Variants in NFIX observed in about 807,000 individuals in gnomAD.
The protein encoded by NFIX is nuclear factor 1 X-type.
Under a neutral mutation model 53.3 loss-of-function variants are expected in NFIX, and 2 were observed. The observed-to-expected ratio is 0.04, with a 90% CI of 0.02 to 0.12. The LOEUF is 0.12. NFIX is among the 10% of genes least tolerant of loss of function. The pLI, the probability that NFIX is intolerant of heterozygous loss-of-function variation, is 1.00. For missense variants in NFIX, 310 were observed against 674.5 expected (o/e 0.46, Z 5.99); for synonymous variants, 244 against 289.0 (o/e 0.84, Z 1.58).
chr19:13,093,271 G>A lies in NFIX; in HGVS notation c.1495-1364G>A, dbSNP rs990052743. ...TCTCCAAGGCCCTTTCTGAAACTCA[G>A]TGTCCCTATCCTCAGTCCCAAACCA... On this transcript the variant is annotated intron_variant, in intron 10 of 10. Transcript: ENST00000592199. The surrounding 1 kb of genome is among the most constrained non-coding windows in gnomAD (Gnocchi z 4.7). Among the ~76,000 whole-genome samples, 2 of 152,244 alleles carry A rather than the reference G, an allele frequency of 1.3e-5. No individual in the cohort carries two copies. The highest frequency in any genetic ancestry group is 2.9e-5 in the Non-Finnish European group (2 of 68,052).
chr19:13,023,170 A>G (rs1482893779), intron 1 of NFIX, among the ~76,000 whole-genome samples: 2 of 149,314 alleles, frequency 1.3e-5, no homozygotes, highest in African/African-American at 5.0e-5. Flanking sequence ...CTGAAAGGAG[A>G]GAGAGAGAGG....
chr19:13,041,420 G>A (rs938483146), intron 2 of NFIX, among the ~76,000 whole-genome samples: 7 of 152,118 alleles, frequency 4.6e-5, no homozygotes, highest in Admixed American at 4.6e-4. Context: ...ATTAACTTTT[G>A]TTGCATTTTC....
Position 12,998,115 on chromosome 19 carries a change from C to T in NFIX, c.27+2251C>T, listed in dbSNP as rs949965049. On this transcript the variant is annotated intron_variant, in intron 1 of 10. Transcript: ENST00000592199. This position sits in a 1 kb window ranked among gnomAD's most constrained non-coding sequence, Gnocchi z 4.4. ...CTGGTCTCTGTTTTTATGACAACCT[C>T]TTTCCTTTGCTGTCTTTTTCTCGGT... is the stretch of plus-strand genomic sequence containing the variant. Among the ~76,000 whole-genome samples, 1 of 152,220 alleles carries T rather than the reference C, an allele frequency of 6.6e-6. No individual in the cohort carries two copies. Among genetic ancestry groups the T allele is most frequent in the African/African-American group, 2.4e-5 (1 of 41,438 alleles).
chr19:13,049,479 G>A lies in NFIX; in HGVS notation c.560-23568G>A, dbSNP rs1279807131. On this transcript the variant is annotated intron_variant, in intron 2 of 10. Transcript: ENST00000592199. This position sits in a 1 kb window ranked among gnomAD's most constrained non-coding sequence, Gnocchi z 4.5. Reference sequence around the variant, plus strand: ...TTTGTTTCTATGGATTTGCCTAGTTGTGGATGTTTCATATAAATGAGATCA... The same window carrying A: ...TTTGTTTCTATGGATTTGCCTAGTTATGGATGTTTCATATAAATGAGATCA... Among the ~76,000 whole-genome samples the A allele has an allele frequency of 6.6e-6, 1 of 152,006 alleles. No individual in the cohort carries two copies. The highest frequency in any genetic ancestry group is 1.5e-5 in the Non-Finnish European group (1 of 68,016).
rs1182739250 is a variant in NFIX, at chr19:13,051,090, A to G, written c.560-21957A>G. Among the ~76,000 whole-genome samples, 2 of 152,158 alleles carry G rather than the reference A, an allele frequency of 1.3e-5. No individual in the cohort carries two copies. Among genetic ancestry groups the G allele is most frequent in the Non-Finnish European group, 2.9e-5 (2 of 68,028 alleles). On this transcript the variant is annotated intron_variant, in intron 2 of 10. Coordinates refer to ENST00000592199, the MANE Select transcript of NFIX (RefSeq NM_001365902.3). This position sits in a 1 kb window ranked among gnomAD's most constrained non-coding sequence, Gnocchi z 5.1. ...GAGGAGGGTGCATACCTCCAGGAGG[A>G]TAGTAGCAGGGGAGCCACGGAGTAG...
rs140579167 is a variant in NFIX, at chr19:13,052,176, T to G, written c.560-20871T>G. Among the ~76,000 whole-genome samples, 129 of 152,252 alleles carry G rather than the reference T, an allele frequency of 8.5e-4. 1 individual carries two copies. The highest frequency in any genetic ancestry group is 2.9e-3 in the African/African-American group (120 of 41,548). On this transcript the variant is annotated intron_variant, in intron 2 of 10. Coordinates refer to ENST00000592199, the MANE Select transcript of NFIX (RefSeq NM_001365902.3). The surrounding 1 kb of genome is among the most constrained non-coding windows in gnomAD (Gnocchi z 5.2). Reference sequence around the variant, plus strand: ...ATGCAGATCCTGGGGCTTGTCCAAGTGGGTAGGTCTGGGCAGGGCTCGTGA... The same window carrying G: ...ATGCAGATCCTGGGGCTTGTCCAAGGGGGTAGGTCTGGGCAGGGCTCGTGA...
chr19:12,995,543 AGCG>A lies in NFIX; in HGVS notation c.-286_-284del. On this transcript the variant is annotated 5_prime_UTR_variant, in exon 1 of 11. Coordinates refer to ENST00000592199, the MANE Select transcript of NFIX (RefSeq NM_001365902.3). Reference sequence around the variant, plus strand: ...GGCGGCGGGCGAGGGTGACCGGCCGAGCGGCGGCGGCATGGAGTAGACGCGCGG... The same window carrying A: ...GGCGGCGGGCGAGGGTGACCGGCCGAGCGGCGGCATGGAGTAGACGCGCGG... 2.1e-5 allele frequency: 3 copies of A among 145,274 alleles called. No homozygotes were observed. Among genetic ancestry groups the A allele is most frequent in the East Asian group, 2.0e-4 (1 of 4,952 alleles). The allele number at this position is 145,274 out of a possible 1,614,324, so 9.0% of individuals were successfully genotyped here. A position where few individuals can be genotyped will look rare whatever the true frequency, so the allele number is the denominator to read the frequency against.
intron 8 of NFIX, among the ~76,000 whole-genome samples, chr19:13,086,674 G>T (rs533979600): frequency 6.6e-6 from 1 of 152,200 alleles, no homozygotes; most frequent in South Asian, 2.1e-4. Flanking sequence ...GTCTCCTTGA[G>T]GGGGACAGAA....
At chr19:13,003,119 G>A (rs1211998229) in intron 1 of NFIX, among the ~76,000 whole-genome samples, 1 of 151,890 alleles carries the variant, frequency 6.6e-6, no homozygotes, top group African/African-American at 2.4e-5. Flanking sequence ...GGTTTATTCC[G>A]GGTCCATCTC....
In NFIX at chr19:13,025,104, G is replaced by A. The variant is rs900055370; in HGVS notation, c.111G>A (p.Lys37=). The change falls in exon 2 of 11, where the codon AAG becomes AAA. Residue 37 remains lysine (K), a synonymous_variant. Transcript: ENST00000592199. The surrounding 1 kb of genome is among the most constrained non-coding windows in gnomAD (Gnocchi z 7.5). ...SYTWFNLQAR[K]RKYFKKHEKR... Reference sequence around the variant, plus strand: ...CCTGGTTCAACCTGCAGGCGCGGAAGCGCAAGTACTTCAAGAAGCATGAAA... The same window carrying A: ...CCTGGTTCAACCTGCAGGCGCGGAAACGCAAGTACTTCAAGAAGCATGAAA... The A allele has an allele frequency of 1.9e-6, 3 of 1,614,228 alleles. No individual in the cohort carries two copies. Among genetic ancestry groups the A allele is most frequent in the Non-Finnish European group, 2.5e-6 (3 of 1,180,032 alleles).
At chr19:13,010,114 G>A (rs900936943) in intron 1 of NFIX, among the ~76,000 whole-genome samples, 2 of 152,272 alleles carry the variant, frequency 1.3e-5, no homozygotes, top group East Asian at 1.9e-4. Flanking sequence ...TTCCTCCCCC[G>A]CCTGCTCCTG....
Position 12,995,745 on chromosome 19 carries a change from G to A in NFIX, c.-93G>A, listed in dbSNP as rs1201793600. 35 of 370,488 alleles carry A rather than the reference G, an allele frequency of 9.4e-5. No homozygotes were observed. The South Asian group carries it at 3.3e-3, about 35-fold the overall frequency. The allele number at this position is 370,488 out of a possible 1,614,324, so 23.0% of individuals were successfully genotyped here. A position where few individuals can be genotyped will look rare whatever the true frequency, so the allele number is the denominator to read the frequency against. On this transcript the variant is annotated 5_prime_UTR_variant, in exon 1 of 11. Transcript: ENST00000592199. ...GCGCAGCGCGGCGGAGGCCGGAGGA[G>A]CCGAGCCGGAGCCCGAGCCCGAGCG... is the stretch of plus-strand genomic sequence containing the variant.
chr19:13,094,511 C>A lies in NFIX; in HGVS notation c.1495-124C>A. 1.1e-6 allele frequency: 1 copy of A among 938,838 alleles called. No individual in the cohort carries two copies. Among genetic ancestry groups the A allele is most frequent in the South Asian group, 1.5e-5 (1 of 66,124 alleles). The allele number at this position is 938,838 out of a possible 1,614,324, so 58.2% of individuals were successfully genotyped here. ...TCCATGGGAACAAGGTGGGTGGTGG[C>A]TGCCCGGCACCCTGGCTCTTTGGGA... On this transcript the variant is annotated intron_variant, in intron 10 of 10. Transcript: ENST00000592199. The surrounding 1 kb of genome is among the most constrained non-coding windows in gnomAD (Gnocchi z 4.3).
intron 2 of NFIX, chr19:13,070,272 C>T (rs2016693359): frequency 6.6e-6 from 1 of 152,412 alleles, no homozygotes; most frequent in South Asian, 2.1e-4. Flanking sequence ...GACCTTCCCC[C>T]GTCACATCCC....
intron 1 of NFIX, among the ~76,000 whole-genome samples, chr19:13,019,204 A>G (rs2012830121): frequency 6.6e-6 from 1 of 152,008 alleles, no homozygotes; most frequent in African/African-American, 2.4e-5. Context: ...ATGTTTCACT[A>G]TAGGTAGGTG....
At position 13,081,746 on chromosome 19, in the gene NFIX, C is replaced by A; in HGVS notation, c.1145C>A (p.Pro382Gln). ...PSTSIIQQSSPYFTHPTIRYH... is the reference protein window; with the variant it reads ...PSTSIIQQSSQYFTHPTIRYH... The stretch of plus-strand genomic sequence containing the variant: ...ACGTCCATCATCCAGCAGTCGAGCC[C>A]GTATTTCACGCACCCGACCATCCGC... Residue 382 changes from proline to glutamine, a missense_variant, in exon 8 of 11, where the codon CCG (proline) becomes CAG (glutamine). Pro to Gln is a moderately conservative substitution (Grantham distance 76). Around this residue, in one of 5 missense-constraint regions of NFIX, gnomAD observed 35 missense variants for 114.8 expected, o/e 0.30. Coordinates refer to ENST00000592199, the MANE Select transcript of NFIX (RefSeq NM_001365902.3). This position sits in a 1 kb window ranked among gnomAD's most constrained non-coding sequence, Gnocchi z 4.7. The A allele has an allele frequency of 3.1e-6, 5 of 1,613,970 alleles. No homozygotes were observed. The highest frequency in any genetic ancestry group is 4.2e-6 in the Non-Finnish European group (5 of 1,179,886).
At chr19:13,085,297 G>A (rs925287823) in intron 8 of NFIX, among the ~76,000 whole-genome samples, 1 of 152,168 alleles carries the variant, frequency 6.6e-6, no homozygotes, top group Non-Finnish European at 1.5e-5. Context: ...ATCAGGCGGG[G>A]ATTAGCATTA....
At chr19:13,062,843 G>A (rs1219411784) in intron 2 of NFIX, among the ~76,000 whole-genome samples, 1 of 152,182 alleles carries the variant, frequency 6.6e-6, no homozygotes, top group Non-Finnish European at 1.5e-5. Context: ...GGTACTGAGT[G>A]CTCTCTCACA....
At chr19:13,007,969 G>A (rs1356247762) in intron 1 of NFIX, among the ~76,000 whole-genome samples, 1 of 152,148 alleles carries the variant, frequency 6.6e-6, no homozygotes, top group African/African-American at 2.4e-5. Context: ...TGTGCCTACA[G>A]AGACACAGAC....
Sources: allele counts gnomAD v4.1 joint callset (sites outside exome capture counted in the v4.1 genomes callset), GRCh38; gene constraint gnomAD v4.1.1; regional missense constraint gnomAD v4.1.1; non-coding constraint Gnocchi (gnomAD v3.1); transcripts MANE v1.5; gene names NCBI Gene and HGNC (gene_info 2026-07-23, HGNC 2026-07-21).